SYT14: variants seen among roughly 807,000 people sequenced by gnomAD.
The protein encoded by SYT14 is synaptotagmin 14.
SYT14 carries 32 observed loss-of-function variants against 74.2 expected under a neutral mutation model. The observed-to-expected ratio is 0.43, with a 90% CI of 0.33 to 0.58. The LOEUF is 0.58. Ranked by LOEUF, SYT14 falls within the 20% of genes least tolerant of loss-of-function variation. The probability of loss-of-function intolerance (pLI) is 0.05; values close to 1 mark genes in which losing one functional copy is unlikely to be tolerated. For synonymous variants in SYT14, 298 were observed against 337.7 expected (o/e 0.88, Z 1.29); for missense variants, 791 against 981.8 (o/e 0.81, Z 2.60).
At chr1:210,031,571 G>T (rs1249366457) in intron 5 of SYT14, among the ~76,000 whole-genome samples, 1 of 152,058 alleles carries the variant, frequency 6.6e-6, no homozygotes, top group Non-Finnish European at 1.5e-5. Flanking sequence ...AATAATTGAT[G>T]CAATTTTTAA....
chr1:210,128,163 A>G (rs1487913563), intron 7 of SYT14, among the ~76,000 whole-genome samples: 1 of 152,192 alleles, frequency 6.6e-6, no homozygotes, highest in African/African-American at 2.4e-5. Flanking sequence ...GCTTGAGGTC[A>G]GAAGTTCGAG....
chr1:210,120,752 T>C (rs1362502577), intron 7 of SYT14, among the ~76,000 whole-genome samples: 1 of 152,214 alleles, frequency 6.6e-6, no homozygotes, highest in Non-Finnish European at 1.5e-5. Flanking sequence ...GAATAAGATA[T>C]ATTTTACTTT....
chr1:209,939,450 T>A (rs2078693609), intron 1 of SYT14, among the ~76,000 whole-genome samples: 1 of 152,238 alleles, frequency 6.6e-6, no homozygotes, highest in Admixed American at 6.5e-5. Context: ...TAGCTGTGTG[T>A]TTACATGTAG....
chr1:210,017,195 A>C lies in SYT14; in HGVS notation c.1096+96A>C, dbSNP rs985761038. 3 of 820,360 alleles carry C rather than the reference A, an allele frequency of 3.7e-6. No homozygotes were observed. The African/African-American group carries it at 5.3e-5, about 15-fold the overall frequency. The allele number at this position is 820,360 out of a possible 1,614,324, so 50.8% of individuals were successfully genotyped here. On this transcript the variant is annotated intron_variant, in intron 4 of 9. Coordinates refer to ENST00000637265, the Ensembl canonical transcript of SYT14. ...TCCAAATTTCTCAGCTTTCCTGTTC[A>C]TGTGTCTATATTTAAGACTTTCTTG... is the stretch of plus-strand genomic sequence containing the variant.
At chr1:209,966,434 T>C (rs1343449968) in intron 2 of SYT14, among the ~76,000 whole-genome samples, 1 of 152,206 alleles carries the variant, frequency 6.6e-6, no homozygotes, top group East Asian at 1.9e-4. Flanking sequence ...CTGGATAAAA[T>C]GGACATTTAT....
intron 7 of SYT14, among the ~76,000 whole-genome samples, chr1:210,134,530 T>C (rs1380278451): frequency 6.6e-6 from 1 of 152,206 alleles, no homozygotes; most frequent in Non-Finnish European, 1.5e-5. Flanking sequence ...GTTTCTTGCC[T>C]TAGTTGAACA....
At chr1:210,017,313 G>T (rs2080205983) in intron 4 of SYT14, among the ~76,000 whole-genome samples, 1 of 151,858 alleles carries the variant, frequency 6.6e-6, no homozygotes, top group South Asian at 2.1e-4. Flanking sequence ...ACTAAGTATT[G>T]CCCCTGGTCC....
intron 6 of SYT14, among the ~76,000 whole-genome samples, chr1:210,096,285 T>C (rs1185055305): frequency 1.3e-5 from 2 of 152,162 alleles, no homozygotes; most frequent in Non-Finnish European, 2.9e-5. Flanking sequence ...ATTACTTTGA[T>C]TCAGTGGTAC....
chr1:210,135,241 CAAG>C (rs973007837), intron 7 of SYT14, among the ~76,000 whole-genome samples: 1 of 152,164 alleles, frequency 6.6e-6, no homozygotes, highest in Non-Finnish European at 1.5e-5. Flanking sequence ...CTCACCCTCC[CAAG>C]ATGCTGGGAT....
chr1:210,013,567 G>C, intron 2 of SYT14, 66 bp from the exon 3 acceptor site: 1 of 1,453,802 alleles, frequency 6.9e-7, no homozygotes, highest in South Asian at 1.2e-5. Flanking sequence ...AATGTTTGGG[G>C]TTTCCTTCTT....
chr1:210,111,544 A>G (rs1422265611), intron 7 of SYT14, among the ~76,000 whole-genome samples: 4 of 151,160 alleles, frequency 2.6e-5, no homozygotes, highest in Non-Finnish European at 5.9e-5. Flanking sequence ...ATAATGGGCA[A>G]TGTTTCTCAG....
chr1:210,115,131 A>AT (rs1483610281), intron 7 of SYT14, among the ~76,000 whole-genome samples: 1 of 151,378 alleles, frequency 6.6e-6, no homozygotes, highest in African/African-American at 2.5e-5. Flanking sequence ...CGAAAGTGCC[A>AT]TTTTCTGGCT....
intron 7 of SYT14, among the ~76,000 whole-genome samples, chr1:210,110,680 G>A (rs2451697): frequency 0.77 from 117,404 of 152,170 alleles, 45,599 homozygotes; most frequent in East Asian, 0.94. Context: ...TCATAATTTG[G>A]TTCTATTTAA....
chr1:210,111,095 C>A (rs2082253575), intron 7 of SYT14, among the ~76,000 whole-genome samples: 1 of 152,194 alleles, frequency 6.6e-6, no homozygotes, highest in Non-Finnish European at 1.5e-5. Context: ...AATTTTCACA[C>A]ACGTCTGTGT....
intron 2 of SYT14, among the ~76,000 whole-genome samples, chr1:210,012,293 C>CT (rs1242372469): frequency 6.6e-6 from 1 of 152,240 alleles, no homozygotes; most frequent in African/African-American, 2.4e-5. Context: ...ACTATATTGT[C>CT]TTTATTACAC....
At chr1:210,163,419 CAA>C (rs1304700885) in exon 10 of SYT14, 1 of 453,602 alleles carries the variant, frequency 2.2e-6, no homozygotes, top group Non-Finnish European at 4.4e-6. Context: ...GCCAAGTCCT[CAA>C]AGATTATAAA....
chr1:210,108,387 A>G, intron 7 of SYT14, among the ~76,000 whole-genome samples: 1 of 152,198 alleles, frequency 6.6e-6, no homozygotes, highest in Non-Finnish European at 1.5e-5. Context: ...AATATTAAAA[A>G]CTGTGTGTTG....
At chr1:210,035,564 T>A (rs947132681) in intron 5 of SYT14, among the ~76,000 whole-genome samples, 2 of 151,996 alleles carry the variant, frequency 1.3e-5, no homozygotes, top group African/African-American at 4.8e-5. Context: ...TGTTTAAGTA[T>A]TTAATCCATC....
At chr1:209,961,502 A>G (rs1285188339) in intron 2 of SYT14, among the ~76,000 whole-genome samples, 2 of 152,172 alleles carry the variant, frequency 1.3e-5, no homozygotes, top group Non-Finnish European at 2.9e-5. Flanking sequence ...CTGGGTAACT[A>G]AAGTCATTAA....
Sources: gnomAD v4.1 joint callset for allele counts (sites outside exome capture counted in the v4.1 genomes callset) on GRCh38, gnomAD v4.1.1 for gene constraint, MANE v1.5 for transcripts, NCBI Gene and HGNC (gene_info 2026-07-23, HGNC 2026-07-21) for gene names.